TUBA1B: variants seen among roughly 807,000 people sequenced by gnomAD.
TUBA1B encodes the protein tubulin alpha-1B chain.
In TUBA1B, 1 loss-of-function variant was observed where a neutral mutation model predicts 34.4. The ratio of observed to expected loss-of-function variants is 0.03; its 90% CI spans 0.01 to 0.14. The LOEUF (loss-of-function observed/expected upper bound fraction) is 0.14. TUBA1B is among the 10% of genes least tolerant of loss of function. TUBA1B has a pLI of 1.00. For synonymous variants in TUBA1B, 197 were observed against 212.5 expected (o/e 0.93, Z 0.64); for missense variants, 54 against 583.6 (o/e 0.09, Z 9.35).
In TUBA1B at chr12:49,127,875, C is replaced by T. The variant is rs1941764083; in HGVS notation, c.*83G>A. On this transcript the variant is annotated 3_prime_UTR_variant, in exon 4 of 4. Coordinates refer to ENST00000336023, the MANE Select transcript of TUBA1B (RefSeq NM_006082.3). Reference sequence around the variant, plus strand: ...GATCACCAAGTGAAAACAATCTAACCAGAAAGCTTTAACGTCTGTCAGTTA... The same window carrying T: ...GATCACCAAGTGAAAACAATCTAACTAGAAAGCTTTAACGTCTGTCAGTTA... 5.6e-6 allele frequency: 9 copies of T among 1,597,272 alleles called. No individual in the cohort carries two copies. Among genetic ancestry groups the T allele is most frequent in the Non-Finnish European group, 7.7e-6 (9 of 1,168,684 alleles).
intron 1 of TUBA1B, chr12:49,130,950 G>T: frequency 4.5e-6 from 1 of 220,738 alleles, no homozygotes; most frequent in Non-Finnish European, 9.3e-6. Context: ...CACCCAAGGC[G>T]GAGTAAGGGC....
rs1941802793 is a variant in TUBA1B at position 49,131,160 on chromosome 12, C to T, written c.3+138G>A. 24 of 1,141,728 alleles carry T rather than the reference C, an allele frequency of 2.1e-5. No homozygotes were observed. In the South Asian group the frequency reaches 3.4e-4, roughly 16 times the overall value. 70.7% of individuals were successfully genotyped at this position (1,141,728 alleles called of 1,614,324 possible). On this transcript the variant is annotated intron_variant, in intron 1 of 3. Transcript: ENST00000336023. The stretch of plus-strand genomic sequence containing the variant: ...GAGGTCTCACCACTCCCGCCCTGGC[C>T]TCTCGCCTCGTTTTCCGCCCTCCAA...
chr12:49,130,082 C>G, intron 1 of TUBA1B: 2 of 1,200,372 alleles, frequency 1.7e-6, no homozygotes, highest in Non-Finnish European at 2.1e-6. Flanking sequence ...TTGAGAACAG[C>G]TACACTATAG....
Position 49,128,225 on chromosome 12 carries a change from C to A in TUBA1B, c.1089G>T (p.Val363=). The A allele has an allele frequency of 1.2e-6, 2 of 1,614,204 alleles. No individual in the cohort carries two copies. The highest frequency in any genetic ancestry group is 1.7e-6 in the Non-Finnish European group (2 of 1,180,048). ...GTACCTTGGCCAGGTCTCCACCAGG[C>A]ACCACAGTGGGAGGCTGGTAGTTGA... ...VGINYQPPTV[V]PGGDLAKVQR... Residue 363 remains valine, a synonymous_variant, in exon 4 of 4, where the codon GTG becomes GTT. Coordinates refer to ENST00000336023, the MANE Select transcript of TUBA1B (RefSeq NM_006082.3). This position sits in a 1 kb window ranked among gnomAD's most constrained non-coding sequence, Gnocchi z 8.1.
In TUBA1B at chr12:49,130,181, C is replaced by T. The variant is rs577740150; in HGVS notation, c.4-459G>A. The T allele has an allele frequency of 1.1e-3, 1,366 of 1,248,656 alleles. 27 individuals carry two copies. In the South Asian group the frequency reaches 0.017, roughly 15 times the overall value. The allele number at this position is 1,248,656 out of a possible 1,614,324, so 77.3% of individuals were successfully genotyped here. A position where few individuals can be genotyped will look rare whatever the true frequency, so the allele number is the denominator to read the frequency against. On this transcript the variant is annotated intron_variant, in intron 1 of 3. Coordinates refer to ENST00000336023, the MANE Select transcript of TUBA1B (RefSeq NM_006082.3). ...AAGACAGCTCAGTCACAGCTTCCTC[C>T]TTTGGAGGACCAAGACAGGAAGGTG...
At position 49,128,040 on chromosome 12, in the gene TUBA1B, A is replaced by G; in HGVS notation, c.1274T>C (p.Met425Thr). The G allele has an allele frequency of 6.2e-7, 1 of 1,614,200 alleles. No individual in the cohort carries two copies. The highest frequency in any genetic ancestry group is 8.5e-7 in the Non-Finnish European group (1 of 1,180,042). The part of the protein sequence containing the change: ...EGEFSEARED[M>T]AALEKDYEEV... ...CTCATAATCCTTCTCAAGGGCAGCCATATCTTCACGGGCCTCTGAAAACTC... is the reference window on the plus strand; with the variant it reads ...CTCATAATCCTTCTCAAGGGCAGCCGTATCTTCACGGGCCTCTGAAAACTC... The change falls in exon 4 of 4, where the codon ATG (methionine) becomes ACG (threonine). Residue 425 changes from methionine to threonine, a missense_variant. This residue lies in a region of TUBA1B where 20 missense variants were observed against 362.8 expected (regional missense o/e 0.06). Coordinates refer to ENST00000336023, the MANE Select transcript of TUBA1B (RefSeq NM_006082.3). This position sits in a 1 kb window ranked among gnomAD's most constrained non-coding sequence, Gnocchi z 8.1.
In TUBA1B at chr12:49,131,206, C is replaced by T. The variant is rs1941803748; in HGVS notation, c.3+92G>A. On this transcript the variant is annotated intron_variant, in intron 1 of 3. Transcript: ENST00000336023. ...TCCAAACGGACGGCTCTGAGGCCAG[C>T]CCTTCCCGGCTGTATACAGGGCCCC... 9.3e-6 allele frequency: 14 copies of T among 1,504,678 alleles called. No homozygotes were observed. The Admixed American group carries it at 2.6e-4, about 28-fold the overall frequency. The allele number at this position is 1,504,678 out of a possible 1,614,324, so 93.2% of individuals were successfully genotyped here.
Position 49,128,980 on chromosome 12 carries a change from A to T in TUBA1B, c.376-42T>A. 1 of 1,556,172 alleles carries T rather than the reference A, an allele frequency of 6.4e-7. No individual in the cohort carries two copies. The highest frequency in any genetic ancestry group is 1.2e-5 in the South Asian group (1 of 80,286). ...AAATGTAATATTTTAATGCCAGGACACATTATCTTAGAATTTCTATTTCAA... is the reference window on the plus strand; with the variant it reads ...AAATGTAATATTTTAATGCCAGGACTCATTATCTTAGAATTTCTATTTCAA... On this transcript the variant is annotated intron_variant, in intron 3 of 3. Transcript: ENST00000336023. This position sits in a 1 kb window ranked among gnomAD's most constrained non-coding sequence, Gnocchi z 8.1.
Position 49,130,003 on chromosome 12 carries a change from T to G in TUBA1B, c.4-281A>C, listed in dbSNP as rs188369269. 1.4e-4 allele frequency: 147 copies of G among 1,069,510 alleles called. No homozygotes were observed. The Admixed American group carries it at 4.4e-3, about 32-fold the overall frequency. 66.3% of individuals were successfully genotyped at this position (1,069,510 alleles called of 1,614,324 possible). On this transcript the variant is annotated intron_variant, in intron 1 of 3. Transcript: ENST00000336023. The stretch of plus-strand genomic sequence containing the variant: ...GGCTGTGTTACCTAGGCTACTCACG[T>G]AATCTGAAAACGAATTTCCTTTTCT...
At chr12:49,130,349 G>C in intron 1 of TUBA1B, 4 of 1,289,218 alleles carry the variant, frequency 3.1e-6, no homozygotes, top group Non-Finnish European at 4.0e-6. Context: ...GGGGCTCTGC[G>C]GCACAGGATG....
chr12:49,131,039 G>A (rs543108498), intron 1 of TUBA1B: 3 of 462,766 alleles, frequency 6.5e-6, no homozygotes, highest in South Asian at 2.6e-5. Flanking sequence ...CTCCGGATAC[G>A]GCGGAGGGCA....
Position 49,130,430 on chromosome 12 carries a change from G to C in TUBA1B, c.4-708C>G. 5.2e-6 allele frequency: 6 copies of C among 1,159,608 alleles called. No homozygotes were observed. The South Asian group carries it at 7.7e-5, about 15-fold the overall frequency. 71.8% of individuals were successfully genotyped at this position (1,159,608 alleles called of 1,614,324 possible). A position where few individuals can be genotyped will look rare whatever the true frequency, so the allele number is the denominator to read the frequency against. ...GCAGAGGCACGAAATGGCCACGTCT[G>C]CAAAGGCGCTGCCCAAGCCGCCCAT... On this transcript the variant is annotated intron_variant, in intron 1 of 3. Transcript: ENST00000336023.
chr12:49,128,641 T>C lies in TUBA1B; in HGVS notation c.673A>G (p.Thr225Ala). The C allele has an allele frequency of 1.2e-6, 2 of 1,609,980 alleles. No homozygotes were observed. The highest frequency in any genetic ancestry group is 1.7e-6 in the Non-Finnish European group (2 of 1,177,994). The change falls in exon 4 of 4, where the codon ACT becomes GCT. Residue 225 changes from threonine to alanine, a missense_variant. Coordinates refer to ENST00000336023, the MANE Select transcript of TUBA1B (RefSeq NM_006082.3). This position sits in a 1 kb window ranked among gnomAD's most constrained non-coding sequence, Gnocchi z 8.1. ...RNLDIERPTYTNLNRLISQIV... is the reference protein window; with the variant it reads ...RNLDIERPTYANLNRLISQIV... ...TGGCTAATAAGGCGGTTAAGGTTAG[T>C]GTAGGTTGGGCGCTCGATATCGAGG...
intron 1 of TUBA1B, chr12:49,130,152 G>A (rs1941785187): frequency 1.6e-6 from 2 of 1,219,992 alleles, no homozygotes; most frequent in South Asian, 1.4e-5. Flanking sequence ...CCTCCTTCCA[G>A]ACCAAGACAG....
rs1443994647 is a variant in TUBA1B, at chr12:49,128,968, T to C, written c.376-30A>G. On this transcript the variant is annotated intron_variant, in intron 3 of 3. Transcript: ENST00000336023. The surrounding 1 kb of genome is among the most constrained non-coding windows in gnomAD (Gnocchi z 8.1). Reference sequence around the variant, plus strand: ...AGGGGAATAAAAAAATGTAATATTTTAATGCCAGGACACATTATCTTAGAA... The same window carrying C: ...AGGGGAATAAAAAAATGTAATATTTCAATGCCAGGACACATTATCTTAGAA... 6.4e-7 allele frequency: 1 copy of C among 1,569,974 alleles called. No homozygotes were observed. Among genetic ancestry groups the C allele is most frequent in the Non-Finnish European group, 8.6e-7 (1 of 1,161,928 alleles).
At chr12:49,129,859 G>C in intron 1 of TUBA1B, 137 bp from the exon 2 acceptor site, 1 of 1,411,656 alleles carries the variant, frequency 7.1e-7, no homozygotes, top group Non-Finnish European at 9.5e-7. Context: ...ATGCCATCTA[G>C]GCTCACTGCA....
In TUBA1B at chr12:49,131,314, T is replaced by C. The variant is rs747166037; in HGVS notation, c.-14A>G. ...CTTACTCACCATAGTGGCTAGGGATTAGGAGGCGAAGGCGACAGGAGCAGA... is the reference window on the plus strand; with the variant it reads ...CTTACTCACCATAGTGGCTAGGGATCAGGAGGCGAAGGCGACAGGAGCAGA... On this transcript the variant is annotated 5_prime_UTR_variant, in exon 1 of 4. Coordinates refer to ENST00000336023, the MANE Select transcript of TUBA1B (RefSeq NM_006082.3). The C allele has an allele frequency of 2.5e-6, 4 of 1,610,680 alleles. 1 individual carries two copies. The Middle Eastern group carries it at 5.0e-4, about 202-fold the overall frequency.
At chr12:49,129,425 G>C (rs769160215) in intron 2 of TUBA1B, 35 bp from the exon 3 acceptor site, 1 of 1,613,998 alleles carries the variant, frequency 6.2e-7, no homozygotes, top group South Asian at 1.1e-5. Context: ...GGGAGTGAGT[G>C]AGTGACAAGA....
At chr12:49,129,087 C>T (rs1941772872) in intron 3 of TUBA1B, 149 bp from the exon 4 acceptor site, 5 of 1,539,058 alleles carry the variant, frequency 3.2e-6, no homozygotes, top group Non-Finnish European at 4.4e-6. Flanking sequence ...TGTCCATAAC[C>T]TAGGGACTAT....
Sources: allele counts gnomAD v4.1 joint callset, GRCh38; gene constraint gnomAD v4.1.1; regional missense constraint gnomAD v4.1.1; non-coding constraint Gnocchi (gnomAD v3.1); transcripts MANE v1.5; gene names NCBI Gene and HGNC (gene_info 2026-07-23, HGNC 2026-07-21).